USO1: variants seen among roughly 807,000 people sequenced by gnomAD.
USO1 encodes the protein USO1 vesicle transport factor.
USO1 carries 57 observed loss-of-function variants against 124.5 expected under a neutral mutation model. The ratio of observed to expected loss-of-function variants is 0.46; its 90% CI spans 0.37 to 0.57. USO1 has a LOEUF of 0.57. USO1 is among the 20% of genes least tolerant of loss of function. USO1 has a pLI of 0.00. For missense variants in USO1, 900 were observed against 1,040.6 expected, an observed-to-expected ratio of 0.86 and a Z score of 1.86; for synonymous variants, 369 against 362.8, an observed-to-expected ratio of 1.02 and a Z score of -0.19.
chr4:75,761,815 A>G (rs1721615862), intron 4 of USO1, among the ~76,000 whole-genome samples: 1 of 152,214 alleles, frequency 6.6e-6, no homozygotes. Flanking sequence ...TACATCACAA[A>G]GTTGCCTATA....
chr4:75,724,913 G>A, intron 1 of USO1, 28 bp downstream of exon 1: 1 of 1,611,856 alleles, frequency 6.2e-7, no homozygotes, highest in Non-Finnish European at 8.5e-7. Flanking sequence ...TCTGGGACTT[G>A]GGAAGGGGTC....
At chr4:75,728,542 C>T (rs1455274653) in intron 1 of USO1, among the ~76,000 whole-genome samples, 3 of 152,252 alleles carry the variant, frequency 2.0e-5, no homozygotes, top group African/African-American at 7.2e-5. Context: ...CTCAGCTACT[C>T]AGGAGGCTGA....
chr4:75,805,375 TC>T, intron 19 of USO1, 72 bp downstream of exon 19: 3 of 1,375,218 alleles, frequency 2.2e-6, no homozygotes, highest in African/African-American at 2.9e-5. Flanking sequence ...TTTTTTTTTT[TC>T]CTTGGATCTC....
intron 7 of USO1, among the ~76,000 whole-genome samples, chr4:75,774,329 C>T (rs1722013643): frequency 6.6e-6 from 1 of 152,154 alleles, no homozygotes; most frequent in Non-Finnish European, 1.5e-5. Context: ...GGTACAGTGG[C>T]ATTCCTGAGA....
chr4:75,809,022 C>T lies in USO1; in HGVS notation c.2446C>T (p.Gln816Ter). 1 of 1,602,742 alleles carries T rather than the reference C, an allele frequency of 6.2e-7. No homozygotes were observed. Among genetic ancestry groups the T allele is most frequent in the South Asian group, 1.1e-5 (1 of 88,112 alleles). ...GATCACCAAACTACAGACAGAAAAG[C>T]AGGAACTGTTACAGAAAACAGAAGC... ...VEITKLQTEK[Q>*]ELLQKTEAFA... Residue 816 changes from glutamine (Q) to a stop codon, truncating the protein, a stop_gained, in exon 21 of 24, where the codon CAG becomes TAG. Coordinates refer to ENST00000514213, the MANE Select transcript of USO1 (RefSeq NM_003715.4). LOFTEE classifies it high-confidence loss of function.
chr4:75,740,188 G>A (rs1720919103), intron 1 of USO1, among the ~76,000 whole-genome samples: 1 of 152,134 alleles, frequency 6.6e-6, no homozygotes, highest in Admixed American at 6.5e-5. Context: ...TTAAAAAGGT[G>A]TCTTTAAACA....
At chr4:75,788,288 C>T (rs1238227950) in intron 10 of USO1, among the ~76,000 whole-genome samples, 2 of 151,152 alleles carry the variant, frequency 1.3e-5, no homozygotes, top group Non-Finnish European at 2.9e-5. Context: ...CTACCTCAGC[C>T]TCCTGAGTAG....
intron 1 of USO1, among the ~76,000 whole-genome samples, chr4:75,746,486 A>G (rs968511911): frequency 6.6e-6 from 1 of 152,242 alleles, no homozygotes; most frequent in East Asian, 1.9e-4. Context: ...ACAATTTCTG[A>G]GTAGAAACTA....
In USO1 at chr4:75,810,485, T is replaced by A. The variant is rs777470854; in HGVS notation, c.2529T>A (p.Thr843=). 15 of 1,613,096 alleles carry A rather than the reference T, an allele frequency of 9.3e-6. No homozygotes were observed. Among genetic ancestry groups the A allele is most frequent in the Non-Finnish European group, 8.5e-7 (1 of 1,179,644 alleles). The change falls in exon 22 of 24, where the codon ACT becomes ACA. Residue 843 remains threonine (T), a synonymous_variant. Transcript: ENST00000514213. Reference sequence around the variant, plus strand: ...CCGAGACTATAATAGCCACCAAAACTACTGATGTAGAAGGAAGACTGTCAG... The same window carrying A: ...CCGAGACTATAATAGCCACCAAAACAACTGATGTAGAAGGAAGACTGTCAG... ...GETETIIATK[T]TDVEGRLSAL...
intron 1 of USO1, among the ~76,000 whole-genome samples, chr4:75,733,291 G>C (rs902746952): frequency 6.6e-6 from 1 of 151,984 alleles, no homozygotes; most frequent in Non-Finnish European, 1.5e-5. Context: ...AATTAAGTCT[G>C]TATTAGCTGC....
chr4:75,812,401 G>T, intron 23 of USO1, 26 bp downstream of exon 23: 1 of 1,540,914 alleles, frequency 6.5e-7, no homozygotes, highest in Non-Finnish European at 8.7e-7. Flanking sequence ...CTCCAAAAAT[G>T]ATTTGTATTA....
chr4:75,746,270 C>T (rs1298299462), intron 1 of USO1, among the ~76,000 whole-genome samples: 1 of 152,132 alleles, frequency 6.6e-6, no homozygotes, highest in Non-Finnish European at 1.5e-5. Context: ...AACTCATTGG[C>T]CAGAATGTAT....
At chr4:75,795,631 G>A (rs1019007013) in intron 13 of USO1, among the ~76,000 whole-genome samples, 29 of 151,916 alleles carry the variant, frequency 1.9e-4, no homozygotes, top group Non-Finnish European at 3.5e-4. Flanking sequence ...GATTTCCTTG[G>A]TTTCGGTTTT....
At chr4:75,744,156 A>G (rs1721054598) in intron 1 of USO1, among the ~76,000 whole-genome samples, 1 of 152,142 alleles carries the variant, frequency 6.6e-6, no homozygotes, top group Non-Finnish European at 1.5e-5. Context: ...CTTAGTCTCT[A>G]TTTCTGAAGT....
rs566429463 is a variant in USO1, at chr4:75,801,170, G to A, written c.1956G>A (p.Val652=). The A allele has an allele frequency of 6.2e-7, 1 of 1,609,210 alleles. No individual in the cohort carries two copies. The highest frequency in any genetic ancestry group is 1.7e-5 in the Admixed American group (1 of 59,292). ...KKTLEQHDNI[V]THYKNMIREQ... is the part of the protein sequence containing the mutation. ...CATTAGAACAGCATGACAATATTGT[G>A]ACTCACTACAAAAATATGATTCGAG... Residue 652 remains valine (V), a synonymous_variant, in exon 17 of 24, where the codon GTG becomes GTA. Coordinates refer to ENST00000514213, the MANE Select transcript of USO1 (RefSeq NM_003715.4).
At chr4:75,761,764 T>G (rs1454348056) in intron 4 of USO1, among the ~76,000 whole-genome samples, 2 of 152,210 alleles carry the variant, frequency 1.3e-5, no homozygotes, top group African/African-American at 4.8e-5. Context: ...CTTTTTTAAA[T>G]GAAGAAGGAA....
intron 1 of USO1, among the ~76,000 whole-genome samples, chr4:75,737,685 G>A (rs921081369): frequency 1.3e-5 from 2 of 152,118 alleles, no homozygotes; most frequent in African/African-American, 4.8e-5. Context: ...AGCAGAGCAA[G>A]AAGATCCTGG....
At chr4:75,800,309 C>T in intron 14 of USO1, 42 bp from the exon 15 acceptor site, 1 of 1,533,316 alleles carries the variant, frequency 6.5e-7, no homozygotes, top group Non-Finnish European at 8.8e-7. Context: ...GCAAAATGTA[C>T]TAGATATTTT....
intron 13 of USO1, among the ~76,000 whole-genome samples, chr4:75,797,495 A>G (rs1455075683): frequency 7.4e-6 from 1 of 135,588 alleles, no homozygotes; most frequent in African/African-American, 2.7e-5. Flanking sequence ...TTTTTTTTAC[A>G]GTGTCCCTAG....
Sources: gnomAD v4.1 joint callset for allele counts (sites outside exome capture counted in the v4.1 genomes callset) on GRCh38, gnomAD v4.1.1 for gene constraint, MANE v1.5 for transcripts, NCBI Gene and HGNC (gene_info 2026-07-23, HGNC 2026-07-21) for gene names.